MREG: variants seen among roughly 807,000 people sequenced by gnomAD.
The protein encoded by MREG is melanoregulin.
MREG carries 31 observed loss-of-function variants against 28.5 expected under a neutral mutation model. That is an observed-to-expected ratio of 1.09 (90% CI 0.82 to 1.47). The LOEUF (loss-of-function observed/expected upper bound fraction) is 1.47. Ranked by LOEUF, MREG falls within the 40% of genes most tolerant of loss-of-function variation. The pLI is 0.00. For synonymous variants in MREG, 106 were observed against 95.2 expected (o/e 1.11, Z -0.66); for missense variants, 256 against 257.4 (o/e 0.99, Z 0.04).
chr2:216,031,574 GGAAA>G (rs1232407973), intron 1 of MREG, among the ~76,000 whole-genome samples: 1 of 137,132 alleles, frequency 7.3e-6, no homozygotes, highest in African/African-American at 2.7e-5. Flanking sequence ...AAGGAAGGAA[GGAAA>G]GAAAGAAGGA....
chr2:215,974,658 G>A (rs2105993538), intron 2 of MREG, among the ~76,000 whole-genome samples: 1 of 152,256 alleles, frequency 6.6e-6, no homozygotes, highest in South Asian at 2.1e-4. Flanking sequence ...ACAGGCAGGG[G>A]AGGGGAAGAC....
intron 2 of MREG, among the ~76,000 whole-genome samples, chr2:215,971,418 A>G (rs1693092463): frequency 6.6e-6 from 1 of 152,178 alleles, no homozygotes; most frequent in African/African-American, 2.4e-5. Context: ...TCTAGTTTCC[A>G]TGTACCCTAA....
At chr2:216,016,429 A>G (rs1163011477), upstream of MREG, among the ~76,000 whole-genome samples, 2 of 152,262 alleles carry the variant, frequency 1.3e-5, no homozygotes, top group East Asian at 3.8e-4. Flanking sequence ...ACTGACAGCT[A>G]CTAGTAACTA....
intron 2 of MREG, among the ~76,000 whole-genome samples, chr2:215,964,779 T>C (rs1307814047): frequency 1.3e-5 from 2 of 152,156 alleles, no homozygotes; most frequent in Non-Finnish European, 2.9e-5. Context: ...TATCAAAGCA[T>C]ATAAAAATGG....
chr2:215,959,797 C>A (rs530477281), intron 2 of MREG, among the ~76,000 whole-genome samples: 16 of 152,308 alleles, frequency 1.1e-4, no homozygotes, highest in African/African-American at 3.8e-4. Context: ...TGGCCTCCTT[C>A]CTCTGTGATC....
chr2:215,993,797 A>G (rs1471794045), intron 2 of MREG, among the ~76,000 whole-genome samples: 1 of 152,174 alleles, frequency 6.6e-6, no homozygotes, highest in African/African-American at 2.4e-5. Context: ...TGTGCGGCCA[A>G]CAAACATATG....
At chr2:216,030,946 TCTCTCTCTCTCA>T (rs1486500938) in intron 1 of MREG, among the ~76,000 whole-genome samples, 5 of 89,236 alleles carry the variant, frequency 5.6e-5, no homozygotes, top group African/African-American at 1.8e-4. Context: ...TCTCTCTCTC[TCTCTCTCTCTCA>T]CACACACACA....
chr2:215,961,248 T>G (rs1196938024), intron 2 of MREG, among the ~76,000 whole-genome samples: 3 of 152,224 alleles, frequency 2.0e-5, no homozygotes, highest in Non-Finnish European at 4.4e-5. Flanking sequence ...CTCACCACTC[T>G]GGAGCACTCC....
upstream of MREG, among the ~76,000 whole-genome samples, chr2:216,016,056 G>A (rs930512155): frequency 3.3e-5 from 5 of 152,202 alleles, no homozygotes; most frequent in African/African-American, 7.2e-5. Context: ...GAAAGGCTAC[G>A]AAGGGATAAA....
chr2:215,996,584 G>T, intron 1 of MREG, 119 bp from the exon 2 acceptor site: 1 of 697,260 alleles, frequency 1.4e-6, no homozygotes, highest in Non-Finnish European at 2.3e-6. Context: ...TAAATATATT[G>T]TCAAAAAGGT....
chr2:215,979,952 T>A (rs564875265), intron 2 of MREG, among the ~76,000 whole-genome samples: 1 of 142,390 alleles, frequency 7.0e-6, no homozygotes, highest in South Asian at 2.2e-4. Context: ...CCCTGTTTTA[T>A]GCAAGATGTG....
At chr2:216,028,784 T>C (rs1029543752) in intron 1 of MREG, among the ~76,000 whole-genome samples, 5 of 152,134 alleles carry the variant, frequency 3.3e-5, no homozygotes, top group East Asian at 1.9e-4. Flanking sequence ...TTTGAGAAAT[T>C]TGAATTCTAC....
intron 2 of MREG, among the ~76,000 whole-genome samples, chr2:215,984,490 C>G (rs572934884): frequency 1.1e-4 from 14 of 126,920 alleles, no homozygotes; most frequent in Admixed American, 3.8e-4. Flanking sequence ...TGTACTGAAG[C>G]CTGGGCAACA....
intron 3 of MREG, among the ~76,000 whole-genome samples, 178 bp from the exon 4 acceptor site, chr2:215,945,912 G>A (rs955399836): frequency 2.0e-5 from 3 of 152,162 alleles, no homozygotes; most frequent in East Asian, 1.9e-4. Context: ...CCATGTGATT[G>A]GCAGGATATT....
intron 2 of MREG, among the ~76,000 whole-genome samples, chr2:215,950,651 T>A (rs1692458318): frequency 6.6e-6 from 1 of 152,190 alleles, no homozygotes; most frequent in Non-Finnish European, 1.5e-5. Context: ...CATGAAAGTA[T>A]CTGGAAATTT....
At chr2:215,964,880 TAGAC>T (rs10584153) in intron 2 of MREG, among the ~76,000 whole-genome samples, 1,365 of 55,540 alleles carry the variant, frequency 0.025, 28 homozygotes, top group African/African-American at 0.079. Context: ...GATAGATAGA[TAGAC>T]AGACAGATAT....
chr2:215,967,276 T>C (rs1007411410), intron 2 of MREG, among the ~76,000 whole-genome samples: 1 of 152,176 alleles, frequency 6.6e-6, no homozygotes, highest in Non-Finnish European at 1.5e-5. Context: ...AGGCTTCAGA[T>C]AAAGCCATTA....
At chr2:216,030,996 T>A (rs916575037) in intron 1 of MREG, among the ~76,000 whole-genome samples, 1 of 142,994 alleles carries the variant, frequency 7.0e-6, no homozygotes, top group Non-Finnish European at 1.6e-5. Context: ...ACACACACAC[T>A]CTGTCCCTGC....
At chr2:216,022,518 T>C (rs1269733859) in intron 1 of MREG, among the ~76,000 whole-genome samples, 1 of 152,186 alleles carries the variant, frequency 6.6e-6, no homozygotes, top group Admixed American at 6.5e-5. Context: ...TATTCCCACT[T>C]TAATTATATC....
Sources: allele counts gnomAD v4.1 joint callset (sites outside exome capture counted in the v4.1 genomes callset), GRCh38; gene constraint gnomAD v4.1.1; transcripts MANE v1.5; gene names NCBI Gene and HGNC (gene_info 2026-07-23, HGNC 2026-07-21).